The following PARD3 variants were observed in gnomAD, a reference collection of about 807,000 sequenced individuals.
PARD3 encodes partitioning defective 3 homolog.
A neutral mutation model predicts 155.4 loss-of-function variants in PARD3; 75 were observed. The observed-to-expected ratio is 0.48, with a 90% confidence interval of 0.40 to 0.58. PARD3 has a LOEUF of 0.58. Among genes scored for constraint, PARD3 ranks in the 20% least tolerant of loss-of-function variants. The probability of loss-of-function intolerance (pLI) is 0.00; values close to 1 mark genes in which losing one functional copy is unlikely to be tolerated. For synonymous variants in PARD3, 576 were observed against 610.5 expected (o/e 0.94, Z 0.83); for missense variants, 1,642 against 1,721.7 (o/e 0.95, Z 0.82).
chr10:34,148,864 G>GTT (rs33997458), intron 22 of PARD3, among the ~76,000 whole-genome samples: 6 of 151,326 alleles, frequency 4.0e-5, no homozygotes, highest in East Asian at 1.9e-4. Flanking sequence ...CCAGAATCAA[G>GTT]TTTTTTTTTG....
chr10:34,724,661 C>T (rs1590825890), intron 1 of PARD3, among the ~76,000 whole-genome samples: 1 of 152,130 alleles, frequency 6.6e-6, no homozygotes, highest in Admixed American at 6.5e-5. Flanking sequence ...AAACTGACCA[C>T]AAAATATTTT....
chr10:34,254,537 CGTGTGTGTGTGTGTGTGTGTGT>C (rs55901749), intron 22 of PARD3, among the ~76,000 whole-genome samples: 3 of 145,490 alleles, frequency 2.1e-5, no homozygotes, highest in South Asian at 2.3e-4. Flanking sequence ...GGTAGGTAAA[CGTGTGTGTGTGTGTGTGTGTGT>C]GTGTGTGTGT....
intron 3 of PARD3, among the ~76,000 whole-genome samples, chr10:34,471,256 G>A (rs2078327618): frequency 6.6e-6 from 1 of 152,142 alleles, no homozygotes. Flanking sequence ...GAGCTTGCTT[G>A]CAATTGCTAT....
chr10:34,801,498 A>G (rs1842838717), intron 1 of PARD3, among the ~76,000 whole-genome samples: 1 of 152,212 alleles, frequency 6.6e-6, no homozygotes, highest in South Asian at 2.1e-4. Context: ...CAGGGTGTTG[A>G]TAACTGCAAG....
chr10:34,558,967 G>A (rs6481901), intron 2 of PARD3, among the ~76,000 whole-genome samples: 74,345 of 150,034 alleles, frequency 0.5, 19,871 homozygotes, highest in African/African-American at 0.72. Context: ...AAGTAAGTAA[G>A]TAAATAAATA....
At chr10:34,734,929 A>C (rs2094885527) in intron 1 of PARD3, among the ~76,000 whole-genome samples, 2 of 152,048 alleles carry the variant, frequency 1.3e-5, no homozygotes, top group Non-Finnish European at 1.5e-5. Flanking sequence ...GACAAAATAC[A>C]GAAAATATAT....
At chr10:34,459,922 A>G (rs2077542285) in intron 4 of PARD3, among the ~76,000 whole-genome samples, 1 of 152,218 alleles carries the variant, frequency 6.6e-6, no homozygotes, top group Admixed American at 6.5e-5. Context: ...CCCTAGGTAC[A>G]GTCTACCTTA....
intron 7 of PARD3, among the ~76,000 whole-genome samples, chr10:34,393,287 G>T (rs1025219108): frequency 1.3e-5 from 2 of 151,990 alleles, no homozygotes; most frequent in African/African-American, 4.8e-5. Flanking sequence ...GTCCATTATA[G>T]AAAAGATCCA....
intron 23 of PARD3, among the ~76,000 whole-genome samples, chr10:34,122,884 T>C (rs951400208): frequency 1.3e-5 from 2 of 152,134 alleles, no homozygotes; most frequent in African/African-American, 4.8e-5. Flanking sequence ...ATGAACAAAA[T>C]AATGTATCTG....
At chr10:34,367,447 T>C (rs1840074108) in intron 12 of PARD3, among the ~76,000 whole-genome samples, 1 of 152,228 alleles carries the variant, frequency 6.6e-6, no homozygotes, top group African/African-American at 2.4e-5. Flanking sequence ...GGCTCACGCC[T>C]GTAATCCCGG....
intron 22 of PARD3, among the ~76,000 whole-genome samples, chr10:34,200,015 A>G (rs1388513969): frequency 1.3e-5 from 2 of 152,348 alleles, no homozygotes; most frequent in East Asian, 1.9e-4. Flanking sequence ...ATGATTGGTA[A>G]GTGAAGATCA....
At chr10:34,648,450 C>T (rs1378918771) in intron 2 of PARD3, among the ~76,000 whole-genome samples, 1 of 152,010 alleles carries the variant, frequency 6.6e-6, no homozygotes, top group Non-Finnish European at 1.5e-5. Context: ...TGGCCCCCAA[C>T]TTTTTTTTGG....
chr10:34,578,273 A>T (rs2087075604), intron 2 of PARD3, among the ~76,000 whole-genome samples: 1 of 152,132 alleles, frequency 6.6e-6, no homozygotes, highest in Non-Finnish European at 1.5e-5. Flanking sequence ...ACATACTGCC[A>T]TCCTTAAGCC....
chr10:34,255,420 T>A (rs988042971), intron 22 of PARD3, among the ~76,000 whole-genome samples: 2 of 152,214 alleles, frequency 1.3e-5, no homozygotes, highest in Non-Finnish European at 2.9e-5. Flanking sequence ...AAACTTGGAG[T>A]TAAATTTTTA....
intron 2 of PARD3, among the ~76,000 whole-genome samples, chr10:34,532,245 A>T (rs2082910594): frequency 6.6e-6 from 1 of 152,126 alleles, no homozygotes; most frequent in South Asian, 2.1e-4. Flanking sequence ...ATATTTTTAA[A>T]TTTTTTTCCT....
intron 19 of PARD3, among the ~76,000 whole-genome samples, chr10:34,325,405 T>C (rs547063106): frequency 1.3e-5 from 2 of 152,270 alleles, no homozygotes; most frequent in South Asian, 4.1e-4. Flanking sequence ...CATATTTCTC[T>C]GTGCATCCAG....
At chr10:34,416,677 C>T (rs1215172987) in intron 5 of PARD3, among the ~76,000 whole-genome samples, 1 of 152,088 alleles carries the variant, frequency 6.6e-6, no homozygotes, top group East Asian at 1.9e-4. Context: ...CCAGACACTG[C>T]CCAGTATTAA....
chr10:34,712,208 G>C (rs995263252), intron 1 of PARD3, among the ~76,000 whole-genome samples: 1 of 152,192 alleles, frequency 6.6e-6, no homozygotes, highest in Non-Finnish European at 1.5e-5. Context: ...ATTGTTACCT[G>C]ATGAACTGGT....
intron 22 of PARD3, among the ~76,000 whole-genome samples, chr10:34,205,512 C>T (rs908079126): frequency 5.3e-5 from 8 of 152,162 alleles, no homozygotes; most frequent in Admixed American, 6.5e-5. Context: ...GAAGTCAAAT[C>T]CACAAACCTT....
Sources: allele counts gnomAD v4.1 joint callset (sites outside exome capture counted in the v4.1 genomes callset), GRCh38; gene constraint gnomAD v4.1.1; transcripts MANE v1.5; gene names NCBI Gene and HGNC (gene_info 2026-07-23, HGNC 2026-07-21).